Variants in CTNNA2 observed in about 807,000 individuals in gnomAD.
CTNNA2 encodes catenin alpha-2.
A neutral mutation model predicts 101.0 loss-of-function variants in CTNNA2; 42 were observed. That is an observed-to-expected ratio of 0.42 (90% CI 0.32 to 0.54). CTNNA2 has a LOEUF of 0.54. CTNNA2 is among the 20% of genes least tolerant of loss of function. The pLI is 0.14. For synonymous variants in CTNNA2, 450 were observed against 456.4 expected, an observed-to-expected ratio of 0.99 and a Z score of 0.18; for missense variants, 871 against 1,223.1, an observed-to-expected ratio of 0.71 and a Z score of 4.29.
intron 12 of CTNNA2, among the ~76,000 whole-genome samples, chr2:80,556,426 G>A (rs1275511612): frequency 6.6e-6 from 1 of 152,170 alleles, no homozygotes; most frequent in Non-Finnish European, 1.5e-5. Flanking sequence ...GAAAGGTGGT[G>A]GCTGCTGACA....
At chr2:79,856,608 C>T (rs971267169) in intron 3 of CTNNA2, among the ~76,000 whole-genome samples, 1 of 152,196 alleles carries the variant, frequency 6.6e-6, no homozygotes, top group African/African-American at 2.4e-5. Flanking sequence ...AGTTTTCACT[C>T]CCCAAAGTGG....
intron 2 of CTNNA2, among the ~76,000 whole-genome samples, chr2:79,691,176 C>T (rs893241486): frequency 6.6e-6 from 1 of 151,682 alleles, no homozygotes; most frequent in Admixed American, 6.6e-5. Flanking sequence ...TATGACAGAG[C>T]ATAAAAAAGT....
At chr2:80,466,807 AT>A (rs1409169111) in intron 9 of CTNNA2, among the ~76,000 whole-genome samples, 1 of 152,222 alleles carries the variant, frequency 6.6e-6, no homozygotes, top group African/African-American at 2.4e-5. Flanking sequence ...AAGATTATAA[AT>A]TTGGGGTTCC....
chr2:80,043,459 A>G, intron 7 of CTNNA2, among the ~76,000 whole-genome samples: 1 of 151,882 alleles, frequency 6.6e-6, no homozygotes, highest in East Asian at 1.9e-4. Flanking sequence ...CGGCCTCCCA[A>G]AGTGCTGGGA....
chr2:79,789,109 T>G (rs1280512934), intron 3 of CTNNA2, among the ~76,000 whole-genome samples: 1 of 152,168 alleles, frequency 6.6e-6, no homozygotes, highest in Non-Finnish European at 1.5e-5. Flanking sequence ...TCATATAAGG[T>G]GGACATTGCG....
chr2:80,361,143 G>T (rs927694721), intron 7 of CTNNA2, among the ~76,000 whole-genome samples: 3 of 151,930 alleles, frequency 2.0e-5, no homozygotes, highest in Non-Finnish European at 4.4e-5. Context: ...CTACAAATTG[G>T]TTTTCTAGCA....
At chr2:79,660,160 T>G (rs62140118) in intron 2 of CTNNA2, among the ~76,000 whole-genome samples, 146 of 150,816 alleles carry the variant, frequency 9.7e-4, no homozygotes, top group Non-Finnish European at 1.6e-3. Context: ...ACAAGTAGTA[T>G]GTATGTATGC....
At chr2:79,659,977 C>T (rs1286254821) in intron 2 of CTNNA2, among the ~76,000 whole-genome samples, 3 of 152,112 alleles carry the variant, frequency 2.0e-5, no homozygotes, top group Admixed American at 2.0e-4. Flanking sequence ...TGAGCAACAG[C>T]ATGAGATCCC....
intron 1 of CTNNA2, among the ~76,000 whole-genome samples, chr2:79,613,628 ATAAC>A (rs1159444097): frequency 6.6e-6 from 1 of 152,148 alleles, no homozygotes; most frequent in Non-Finnish European, 1.5e-5. Context: ...AAATAATAAC[ATAAC>A]TAACATTTAT....
At chr2:80,593,564 C>T (rs1181985695) in intron 15 of CTNNA2, among the ~76,000 whole-genome samples, 1 of 152,234 alleles carries the variant, frequency 6.6e-6, no homozygotes, top group African/African-American at 2.4e-5. Flanking sequence ...GCATTCAGTA[C>T]ATTTACACTG....
chr2:80,159,118 T>G (rs995057430), intron 7 of CTNNA2, among the ~76,000 whole-genome samples: 1 of 152,204 alleles, frequency 6.6e-6, no homozygotes, highest in Admixed American at 6.5e-5. Context: ...AGTTTTTGTG[T>G]GAACACAAGA....
intron 8 of CTNNA2, among the ~76,000 whole-genome samples, chr2:80,406,095 C>G (rs1012953783): frequency 6.6e-6 from 1 of 152,174 alleles, no homozygotes; most frequent in Non-Finnish European, 1.5e-5. Flanking sequence ...CGGTGGCTCA[C>G]GCCTGTAATG....
chr2:80,532,166 C>A (rs1020174581), intron 9 of CTNNA2, among the ~76,000 whole-genome samples: 1 of 152,166 alleles, frequency 6.6e-6, no homozygotes, highest in Non-Finnish European at 1.5e-5. Flanking sequence ...CAAAAGCCTG[C>A]CTGGGGAGCC....
intron 7 of CTNNA2, among the ~76,000 whole-genome samples, chr2:80,229,647 G>C (rs1385074414): frequency 6.6e-6 from 1 of 152,114 alleles, no homozygotes; most frequent in Non-Finnish European, 1.5e-5. Context: ...TCATTACATA[G>C]GCATGATAGG....
intron 7 of CTNNA2, among the ~76,000 whole-genome samples, chr2:80,117,591 G>C (rs532316259): frequency 6.6e-6 from 1 of 152,110 alleles, no homozygotes; most frequent in South Asian, 2.1e-4. Flanking sequence ...CTGCTGATTT[G>C]TGGAAAGCTT....
intron 3 of CTNNA2, among the ~76,000 whole-genome samples, chr2:79,803,276 G>A (rs7606207): frequency 0.021 from 3,254 of 152,310 alleles, 103 homozygotes; most frequent in African/African-American, 0.073. Context: ...CGGCGCTAGA[G>A]GAATTAAGAT....
At chr2:80,266,631 G>A (rs1225096401) in intron 7 of CTNNA2, among the ~76,000 whole-genome samples, 1 of 152,206 alleles carries the variant, frequency 6.6e-6, no homozygotes, top group Non-Finnish European at 1.5e-5. Flanking sequence ...AACCGGTATG[G>A]ATAAAGAGTA....
At chr2:80,386,110 T>C (rs556389680) in intron 7 of CTNNA2, among the ~76,000 whole-genome samples, 1 of 152,308 alleles carries the variant, frequency 6.6e-6, no homozygotes, top group East Asian at 1.9e-4. Context: ...CTCACCAATA[T>C]TACCATATTC....
At chr2:79,299,995 T>A (rs1156275167) in intron 2 of CTNNA2, among the ~76,000 whole-genome samples, 2 of 152,226 alleles carry the variant, frequency 1.3e-5, no homozygotes, top group Non-Finnish European at 2.9e-5. Flanking sequence ...CAGTTTCCAC[T>A]GTTATTAATA....
Sources: allele counts gnomAD v4.1 joint callset (sites outside exome capture counted in the v4.1 genomes callset), GRCh38; gene constraint gnomAD v4.1.1; transcripts MANE v1.5; gene names NCBI Gene and HGNC (gene_info 2026-07-23, HGNC 2026-07-21).